DOCK3: variants seen among roughly 807,000 people sequenced by gnomAD.
DOCK3 encodes the protein dedicator of cytokinesis protein 3.
In DOCK3, 60 loss-of-function variants were observed where a neutral mutation model predicts 265.6. The observed-to-expected ratio is 0.23, with a 90% CI of 0.18 to 0.28. The LOEUF is 0.28. Among genes scored for constraint, DOCK3 ranks in the 10% least tolerant of loss-of-function variants. DOCK3 has a pLI of 1.00. For synonymous variants in DOCK3, 881 were observed against 938.0 expected, an observed-to-expected ratio of 0.94 and a Z score of 1.11; for missense variants, 1,981 against 2,594.3, an observed-to-expected ratio of 0.76 and a Z score of 5.14.
At chr3:51,155,041 A>G (rs2085781913) in intron 10 of DOCK3, among the ~76,000 whole-genome samples, 1 of 152,128 alleles carries the variant, frequency 6.6e-6, no homozygotes, top group African/African-American at 2.4e-5. Context: ...CAGTGGCCTG[A>G]TCATAGCTCA....
intron 14 of DOCK3, among the ~76,000 whole-genome samples, chr3:51,218,495 G>A (rs1038758529): frequency 3.9e-5 from 6 of 152,140 alleles, no homozygotes; most frequent in Admixed American, 2.6e-4. Flanking sequence ...CCCTTCTTCA[G>A]ACCATGTCTA....
At chr3:51,164,623 C>CAAAAAAAA (rs11399207) in intron 12 of DOCK3, among the ~76,000 whole-genome samples, 1 of 106,416 alleles carries the variant, frequency 9.4e-6, no homozygotes, top group Admixed American at 1.1e-4. Context: ...GACTCCGTCT[C>CAAAAAAAA]AAAAAAAAAA....
intron 1 of DOCK3, among the ~76,000 whole-genome samples, chr3:50,745,474 A>G (rs2039365626): frequency 6.6e-6 from 1 of 152,228 alleles, no homozygotes; most frequent in South Asian, 2.1e-4. Context: ...TGTAGCTTTC[A>G]TTATGCAAGT....
intron 5 of DOCK3, among the ~76,000 whole-genome samples, chr3:51,029,076 T>TAG (rs1559962716): frequency 3.9e-5 from 6 of 152,186 alleles, no homozygotes; most frequent in Non-Finnish European, 7.3e-5. Flanking sequence ...TAATGGGCTT[T>TAG]TTTGATTTTT....
At chr3:51,306,297 A>G (rs1307145409) in intron 27 of DOCK3, among the ~76,000 whole-genome samples, 1 of 152,000 alleles carries the variant, frequency 6.6e-6, no homozygotes, top group Non-Finnish European at 1.5e-5. Flanking sequence ...ACCTTTTCAT[A>G]TTATTGAGGG....
chr3:51,196,600 G>T (rs939731787), intron 12 of DOCK3, among the ~76,000 whole-genome samples: 5 of 151,762 alleles, frequency 3.3e-5, no homozygotes, highest in African/African-American at 1.2e-4. Flanking sequence ...CTTTATTTTT[G>T]TCTGACAGGA....
intron 2 of DOCK3, among the ~76,000 whole-genome samples, chr3:50,823,706 C>T (rs940925982): frequency 9.9e-5 from 15 of 152,118 alleles, no homozygotes; most frequent in Non-Finnish European, 1.5e-4. Flanking sequence ...GGGTGGTGGC[C>T]GGGCAGAGGG....
At chr3:51,002,467 TTTATAGA>T (rs2078522509) in intron 5 of DOCK3, among the ~76,000 whole-genome samples, 1 of 152,216 alleles carries the variant, frequency 6.6e-6, no homozygotes, top group Non-Finnish European at 1.5e-5. Flanking sequence ...TTATTGATCT[TTTATAGA>T]TTATGCTTTT....
At chr3:50,964,486 T>C (rs998105958) in intron 5 of DOCK3, among the ~76,000 whole-genome samples, 3 of 152,108 alleles carry the variant, frequency 2.0e-5, no homozygotes, top group Non-Finnish European at 4.4e-5. Context: ...GGATAAAATA[T>C]ACACTGAATG....
chr3:50,899,551 G>C (rs1307321822), intron 4 of DOCK3, among the ~76,000 whole-genome samples: 1 of 152,134 alleles, frequency 6.6e-6, no homozygotes, highest in Admixed American at 6.6e-5. Context: ...CCCGTTACTT[G>C]ATGCAGTTTC....
At position 51,250,269 on chromosome 3, in the gene DOCK3, TAAA is replaced by T. The variant is rs200311513; in HGVS notation, c.2184+3477_2184+3479del. 2.5e-3 allele frequency among the ~76,000 whole-genome samples: 337 copies of T among 136,150 alleles called. 5 individuals are homozygous for T. The South Asian group carries it at 0.044, about 18-fold the overall frequency. 89.3% of individuals were successfully genotyped at this position (136,150 alleles called of 152,430 possible). On this transcript the variant is annotated intron_variant, in intron 22 of 52. Transcript: ENST00000266037. ...GTGAGAAACACCCAAGAATGATCAA[TAAA>T]AAAAAAAAAAAAAATTAAAAAAAAT...
At position 51,116,209 on chromosome 3, in the gene DOCK3, T is replaced by C. The variant is rs9830142; in HGVS notation, c.746+25825T>C. 3.5e-3 allele frequency among the ~76,000 whole-genome samples: 528 copies of C among 152,172 alleles called. 4 individuals carry two copies. Among genetic ancestry groups the C allele is most frequent in the African/African-American group, 0.012 (508 of 41,520 alleles). The stretch of plus-strand genomic sequence containing the variant: ...GCTCATGCCTGTAATCCTAGCACTT[T>C]GGGAGGCCAAGGTGGGCAGATCATG... On this transcript the variant is annotated intron_variant, in intron 9 of 52. Transcript: ENST00000266037.
chr3:50,791,765 C>G (rs2042491117), intron 2 of DOCK3, among the ~76,000 whole-genome samples: 1 of 152,076 alleles, frequency 6.6e-6, no homozygotes, highest in Non-Finnish European at 1.5e-5. Context: ...TCTGGGTGCT[C>G]TGTTGTTTTC....
At chr3:50,912,459 C>T (rs1331261136) in intron 4 of DOCK3, among the ~76,000 whole-genome samples, 1 of 152,156 alleles carries the variant, frequency 6.6e-6, no homozygotes, top group Non-Finnish European at 1.5e-5. Context: ...TGTATGTTTG[C>T]TCAAGGCCCT....
In DOCK3 at chr3:51,358,218, A is replaced by C. The variant is rs1216328602; in HGVS notation, c.4884+141A>C. ...TGGGGAGAGAGGCTGTCCTCCCTAC[A>C]GAGGGACAGGGGGCAAGGATGGATG... is the stretch of plus-strand genomic sequence containing the variant. On this transcript the variant is annotated intron_variant, in intron 46 of 52. Transcript: ENST00000266037. 11 of 742,524 alleles carry C rather than the reference A, an allele frequency of 1.5e-5. 1 individual carries two copies. Among genetic ancestry groups the C allele is most frequent in the Non-Finnish European group, 2.2e-5 (10 of 455,766 alleles). The allele number at this position is 742,524 out of a possible 1,614,324, so 46.0% of individuals were successfully genotyped here. A position where few individuals can be genotyped will look rare whatever the true frequency, so the allele number is the denominator to read the frequency against.
chr3:51,350,441 T>C (rs949984561), intron 40 of DOCK3, 49 bp downstream of exon 40: 6 of 1,578,020 alleles, frequency 3.8e-6, no homozygotes, highest in Non-Finnish European at 4.3e-6. Flanking sequence ...TACGCATAAT[T>C]CACTTAAAAC....
chr3:50,807,466 C>T (rs2043496128), intron 2 of DOCK3, among the ~76,000 whole-genome samples: 1 of 152,148 alleles, frequency 6.6e-6, no homozygotes, highest in African/African-American at 2.4e-5. Flanking sequence ...ATGACCCAGA[C>T]ACCTCCCATT....
chr3:51,081,750 G>A (rs2109442413), intron 7 of DOCK3, among the ~76,000 whole-genome samples: 1 of 152,128 alleles, frequency 6.6e-6, no homozygotes, highest in South Asian at 2.1e-4. Context: ...AAAAAAATTA[G>A]CTGGGCGTGG....
At chr3:50,761,064 G>A (rs968791670) in intron 1 of DOCK3, among the ~76,000 whole-genome samples, 2 of 151,746 alleles carry the variant, frequency 1.3e-5, no homozygotes, top group African/African-American at 4.8e-5. Flanking sequence ...ACAGGCGTGA[G>A]CCACCGCACC....
Sources: allele counts gnomAD v4.1 joint callset (sites outside exome capture counted in the v4.1 genomes callset), GRCh38; gene constraint gnomAD v4.1.1; transcripts MANE v1.5; gene names NCBI Gene and HGNC (gene_info 2026-07-23, HGNC 2026-07-21).